Variants in CDH13 observed in about 807,000 individuals in gnomAD.
CDH13 encodes cadherin 13.
Under a neutral mutation model 63.8 loss-of-function variants are expected in CDH13, and 24 were observed. The observed-to-expected ratio is 0.38, with a 90% CI of 0.27 to 0.53. The LOEUF is 0.53. Ranked by LOEUF, CDH13 falls within the 20% of genes least tolerant of loss-of-function variation. The pLI, the probability that CDH13 is intolerant of heterozygous loss-of-function variation, is 0.85. For missense variants in CDH13, 1,049 were observed against 903.1 expected (o/e 1.16, Z -2.07); for synonymous variants, 503 against 355.3 (o/e 1.42, Z -4.67).
chr16:83,157,511 T>C (rs775542153), intron 4 of CDH13, among the ~76,000 whole-genome samples: 1 of 152,182 alleles, frequency 6.6e-6, no homozygotes, highest in Non-Finnish European at 1.5e-5. Flanking sequence ...TTGTGAAAAC[T>C]GTGTCACATC....
intron 1 of CDH13, among the ~76,000 whole-genome samples, chr16:82,715,807 C>G (rs532856912): frequency 5.3e-4 from 81 of 152,288 alleles, no homozygotes; most frequent in Admixed American, 1.0e-3. Context: ...AAGCCACAGT[C>G]TCACCTCATT....
chr16:83,584,309 A>G (rs1002128738), intron 7 of CDH13, among the ~76,000 whole-genome samples: 6 of 152,222 alleles, frequency 3.9e-5, no homozygotes, highest in African/African-American at 1.4e-4. Flanking sequence ...AGCCCGGGCA[A>G]TAGAGCAAGA....
chr16:83,445,475 G>A (rs1350305728), intron 6 of CDH13, among the ~76,000 whole-genome samples: 2 of 152,072 alleles, frequency 1.3e-5, no homozygotes, highest in African/African-American at 4.8e-5. Context: ...CATTAAGGAG[G>A]AGCTTTATCA....
At chr16:83,014,838 ATTTG>A (rs756912319) in intron 2 of CDH13, among the ~76,000 whole-genome samples, 1 of 48,020 alleles carries the variant, frequency 2.1e-5, no homozygotes, top group Non-Finnish European at 4.4e-5. Flanking sequence ...TTGTATATAT[ATTTG>A]TATATATATA....
intron 5 of CDH13, among the ~76,000 whole-genome samples, chr16:83,335,465 T>C (rs898634980): frequency 5.3e-5 from 8 of 152,150 alleles, no homozygotes; most frequent in Non-Finnish European, 1.2e-4. Context: ...GTGTTAAGAC[T>C]TGTACATCCC....
intron 10 of CDH13, among the ~76,000 whole-genome samples, chr16:83,740,760 A>G (rs4782841): frequency 0.22 from 34,022 of 152,018 alleles, 4,194 homozygotes; most frequent in East Asian, 0.55. Context: ...AGAAGGTCAT[A>G]CCTACATGAA....
At chr16:83,528,017 G>C (rs1288736181) in intron 7 of CDH13, among the ~76,000 whole-genome samples, 1 of 152,134 alleles carries the variant, frequency 6.6e-6, no homozygotes, top group Non-Finnish European at 1.5e-5. Flanking sequence ...GGAAGGCCAG[G>C]GCTAGACAAT....
intron 10 of CDH13, among the ~76,000 whole-genome samples, chr16:83,704,541 A>T (rs1906721709): frequency 6.6e-6 from 1 of 152,170 alleles, no homozygotes; most frequent in Admixed American, 6.6e-5. Context: ...CCAGGAAGCC[A>T]TTGTGAGATA....
intron 1 of CDH13, among the ~76,000 whole-genome samples, chr16:82,643,191 G>A (rs1178100083): frequency 3.9e-5 from 6 of 152,150 alleles, no homozygotes; most frequent in African/African-American, 1.4e-4. Context: ...TATCTTAACC[G>A]GCTAAGCTTT....
intron 11 of CDH13, among the ~76,000 whole-genome samples, chr16:83,753,776 T>C (rs1285887195): frequency 1.3e-5 from 2 of 151,944 alleles, no homozygotes; most frequent in Non-Finnish European, 2.9e-5. Context: ...GGAACTTCCA[T>C]GTAGGATACA....
At chr16:83,482,827 G>A (rs1438026377) in intron 6 of CDH13, among the ~76,000 whole-genome samples, 1 of 152,156 alleles carries the variant, frequency 6.6e-6, no homozygotes, top group Non-Finnish European at 1.5e-5. Context: ...GGGCAGGGTG[G>A]GAGAAGGGAC....
intron 7 of CDH13, among the ~76,000 whole-genome samples, chr16:83,570,315 G>C (rs189051910): frequency 6.6e-6 from 1 of 152,180 alleles, no homozygotes; most frequent in Admixed American, 6.5e-5. Context: ...TTTTCTGTCT[G>C]TTCACCCCAC....
intron 1 of CDH13, among the ~76,000 whole-genome samples, chr16:82,789,983 C>T (rs1426911091): frequency 1.3e-5 from 2 of 152,056 alleles, no homozygotes; most frequent in African/African-American, 2.4e-5. Flanking sequence ...TGTCTATTGG[C>T]GAGATTTCTT....
At chr16:83,304,753 T>A (rs192911455) in intron 5 of CDH13, among the ~76,000 whole-genome samples, 14 of 152,294 alleles carry the variant, frequency 9.2e-5, no homozygotes, top group Non-Finnish European at 1.5e-5. Context: ...GTTAATAGTC[T>A]GGGAGTAAAT....
chr16:82,822,349 T>C (rs1209593459), intron 1 of CDH13, among the ~76,000 whole-genome samples: 1 of 152,180 alleles, frequency 6.6e-6, no homozygotes, highest in Admixed American at 6.5e-5. Flanking sequence ...TCGGATATAT[T>C]TTTAAGGTAG....
chr16:83,669,460 C>T (rs992448101), intron 8 of CDH13, among the ~76,000 whole-genome samples: 3 of 152,110 alleles, frequency 2.0e-5, no homozygotes, highest in Non-Finnish European at 4.4e-5. Flanking sequence ...AAGAATCACA[C>T]GAATCAGATC....
At chr16:82,898,309 G>A (rs549675796) in intron 2 of CDH13, among the ~76,000 whole-genome samples, 137 of 152,250 alleles carry the variant, frequency 9.0e-4, no homozygotes, top group Non-Finnish European at 1.5e-3. Flanking sequence ...TGGATCACCC[G>A]AGATCAGGAG....
At chr16:83,384,489 G>T (rs963666441) in intron 6 of CDH13, among the ~76,000 whole-genome samples, 1 of 152,240 alleles carries the variant, frequency 6.6e-6, no homozygotes, top group Non-Finnish European at 1.5e-5. Context: ...ATGCAAAGAG[G>T]CTTTCTGCAG....
chr16:82,894,124 T>C (rs1346136434), intron 2 of CDH13, among the ~76,000 whole-genome samples: 1 of 152,210 alleles, frequency 6.6e-6, no homozygotes, highest in African/African-American at 2.4e-5. Context: ...CGTTCCTTCA[T>C]TCAATGATGA....
Sources: allele counts gnomAD v4.1 joint callset (sites outside exome capture counted in the v4.1 genomes callset), GRCh38; gene constraint gnomAD v4.1.1; transcripts MANE v1.5; gene names NCBI Gene and HGNC (gene_info 2026-07-23, HGNC 2026-07-21).